TCAIM: variants seen among roughly 807,000 people sequenced by gnomAD.
The protein encoded by TCAIM is T-cell activation inhibitor, mitochondrial.
Under a neutral mutation model 58.6 loss-of-function variants are expected in TCAIM, and 36 were observed. The ratio of observed to expected loss-of-function variants is 0.61; its 90% CI spans 0.47 to 0.81. The LOEUF (loss-of-function observed/expected upper bound fraction) is 0.81. Among genes scored for constraint, TCAIM ranks in the 30% least tolerant of loss-of-function variants. TCAIM has a pLI of 0.00. For missense variants in TCAIM, 466 were observed against 579.6 expected (o/e 0.80, Z 2.01); for synonymous variants, 172 against 193.6 (o/e 0.89, Z 0.93).
intron 3 of TCAIM, among the ~76,000 whole-genome samples, chr3:44,360,596 T>A (rs1559565343): frequency 6.6e-6 from 1 of 151,480 alleles, no homozygotes; most frequent in Non-Finnish European, 1.5e-5. Flanking sequence ...CTATATATAA[T>A]CTTTTTTTTT....
At chr3:44,398,905 A>G (rs1188002337) in intron 8 of TCAIM, among the ~76,000 whole-genome samples, 1 of 152,220 alleles carries the variant, frequency 6.6e-6, no homozygotes, top group East Asian at 1.9e-4. Flanking sequence ...GTGCTGAGTG[A>G]AAAAGTCAGT....
At chr3:44,386,667 G>A (rs1375120826) in intron 5 of TCAIM, among the ~76,000 whole-genome samples, 1 of 152,208 alleles carries the variant, frequency 6.6e-6, no homozygotes, top group Non-Finnish European at 1.5e-5. Flanking sequence ...CCTGGGCACT[G>A]TCACGACCTG....
rs1009271574 is a variant in TCAIM at position 44,401,008 on chromosome 3, C to T, written c.1119-195C>T. On this transcript the variant is annotated intron_variant, in intron 9 of 10. Coordinates refer to ENST00000342649, the MANE Select transcript of TCAIM (RefSeq NM_173826.4). Reference sequence around the variant, plus strand: ...GTGACAGATAAGGAAGGTCAGAGGGCTTGCAAGTAGGTCGTGATCTTCTGA... The same window carrying T: ...GTGACAGATAAGGAAGGTCAGAGGGTTTGCAAGTAGGTCGTGATCTTCTGA... 8.2e-6 allele frequency: 6 copies of T among 730,344 alleles called. No homozygotes were observed. The African/African-American group carries it at 8.9e-5, about 11-fold the overall frequency. 45.2% of individuals were successfully genotyped at this position (730,344 alleles called of 1,614,324 possible).
intron 3 of TCAIM, among the ~76,000 whole-genome samples, 168 bp from the exon 4 acceptor site, chr3:44,361,197 T>C (rs968541206): frequency 2.3e-4 from 35 of 152,340 alleles, no homozygotes; most frequent in African/African-American, 8.4e-4. Context: ...TTACATGTTG[T>C]GAGATGTAGA....
At chr3:44,349,901 T>C (rs748980514) in intron 1 of TCAIM, among the ~76,000 whole-genome samples, 1 of 152,128 alleles carries the variant, frequency 6.6e-6, no homozygotes, top group Non-Finnish European at 1.5e-5. Context: ...ATTGGTGAGA[T>C]GTTCCTTGGG....
In TCAIM at chr3:44,338,822, C is replaced by T. The variant is rs182363913; in HGVS notation, c.-57C>T. ...GTCGGACAAAGCCCTCGCGTCGGAC[C>T]CTTGCCAGAACTGTAAGGAGCAAGA... On this transcript the variant is annotated 5_prime_UTR_variant, in exon 1 of 11. Coordinates refer to ENST00000342649, the MANE Select transcript of TCAIM (RefSeq NM_173826.4). 7 of 152,372 alleles carry T rather than the reference C, an allele frequency of 4.6e-5. No individual in the cohort carries two copies. Among genetic ancestry groups the T allele is most frequent in the Admixed American group, 2.6e-4 (4 of 15,292 alleles). The allele number at this position is 152,372 out of a possible 1,614,324, so 9.4% of individuals were successfully genotyped here. A position where few individuals can be genotyped will look rare whatever the true frequency, so the allele number is the denominator to read the frequency against.
chr3:44,390,555 CGAGGCTGCAGT>C (rs1206497094), intron 5 of TCAIM, among the ~76,000 whole-genome samples: 1 of 151,800 alleles, frequency 6.6e-6, no homozygotes, highest in Non-Finnish European at 1.5e-5. Context: ...CCCAGGAGGT[CGAGGCTGCAGT>C]GAGCCATGAT....
intron 4 of TCAIM, among the ~76,000 whole-genome samples, chr3:44,364,203 A>G (rs1701334981): frequency 6.6e-6 from 1 of 151,592 alleles, no homozygotes; most frequent in South Asian, 2.1e-4. Context: ...CTGGTGTTAC[A>G]GGCATGAGCC....
intron 1 of TCAIM, among the ~76,000 whole-genome samples, chr3:44,342,899 G>A (rs1347815974): frequency 6.6e-6 from 1 of 151,992 alleles, no homozygotes; most frequent in Non-Finnish European, 1.5e-5. Flanking sequence ...CACTTTGGGA[G>A]GCCGAGGAAG....
At chr3:44,351,225 T>C (rs1407022180) in intron 1 of TCAIM, among the ~76,000 whole-genome samples, 1 of 151,718 alleles carries the variant, frequency 6.6e-6, no homozygotes, top group Non-Finnish European at 1.5e-5. Context: ...CTGACCTCAG[T>C]TGATCCACCT....
chr3:44,374,502 T>C (rs904846953), intron 5 of TCAIM, among the ~76,000 whole-genome samples: 1 of 152,136 alleles, frequency 6.6e-6, no homozygotes, highest in African/African-American at 2.4e-5. Context: ...CTAACTATAA[T>C]CCCAGCACTT....
intron 5 of TCAIM, among the ~76,000 whole-genome samples, chr3:44,375,135 A>C (rs1156957717): frequency 6.6e-6 from 1 of 151,856 alleles, no homozygotes; most frequent in East Asian, 1.9e-4. Flanking sequence ...TTTTATTTGG[A>C]TCTTATAACA....
chr3:44,340,389 G>A (rs1223753003), intron 1 of TCAIM: 2 of 152,198 alleles, frequency 1.3e-5, no homozygotes, highest in African/African-American at 2.4e-5. Flanking sequence ...CAAGGTTGAA[G>A]ACTAACCCAA....
Position 44,341,150 on chromosome 3 carries a change from A to G in TCAIM, c.-45+2316A>G, listed in dbSNP as rs146553905. The G allele has an allele frequency of 2.9e-3, 435 of 152,278 alleles. 3 individuals carry two copies. Among genetic ancestry groups the G allele is most frequent in the African/African-American group, 9.8e-3 (406 of 41,576 alleles). 9.4% of individuals were successfully genotyped at this position (152,278 alleles called of 1,614,324 possible). On this transcript the variant is annotated intron_variant, in intron 1 of 10. Transcript: ENST00000342649. ...CCTCTAGAAATATGAATTGGCTGCC[A>G]TTGTGGGAGAGAGGAGAATTATTGG...
chr3:44,392,792 T>G, intron 5 of TCAIM, 63 bp from the exon 6 acceptor site: 1 of 1,484,786 alleles, frequency 6.7e-7, no homozygotes, highest in Admixed American at 2.0e-5. Context: ...GCATGTGTCT[T>G]TTAATAGTAA....
intron 1 of TCAIM, among the ~76,000 whole-genome samples, chr3:44,347,248 G>A (rs765117760): frequency 2.0e-5 from 3 of 152,176 alleles, no homozygotes; most frequent in Non-Finnish European, 4.4e-5. Flanking sequence ...TGGAGGAGCA[G>A]GAGGATGTCC....
chr3:44,382,521 C>T (rs941446918), intron 5 of TCAIM, among the ~76,000 whole-genome samples: 1 of 152,116 alleles, frequency 6.6e-6, no homozygotes, highest in African/African-American at 2.4e-5. Context: ...ATCTTTTCAA[C>T]AAATGGTACT....
chr3:44,365,116 TTTTTC>T (rs57224769), intron 4 of TCAIM, among the ~76,000 whole-genome samples: 74,203 of 151,508 alleles, frequency 0.49, 19,272 homozygotes, highest in East Asian at 0.8. Context: ...GATGAGCTAT[TTTTTC>T]TTAACCTCCA....
intron 2 of TCAIM, among the ~76,000 whole-genome samples, chr3:44,357,140 C>T (rs1477094682): frequency 6.6e-6 from 1 of 152,138 alleles, no homozygotes; most frequent in Non-Finnish European, 1.5e-5. Flanking sequence ...CATGGTGGCT[C>T]ATGACTGTAA....
Sources: allele counts gnomAD v4.1 joint callset (sites outside exome capture counted in the v4.1 genomes callset), GRCh38; gene constraint gnomAD v4.1.1; transcripts MANE v1.5; gene names NCBI Gene and HGNC (gene_info 2026-07-23, HGNC 2026-07-21).